Variants in KCTD18 observed in about 807,000 individuals in gnomAD.
KCTD18 encodes the protein BTB/POZ domain-containing protein KCTD18.
Under a neutral mutation model 30.4 loss-of-function variants are expected in KCTD18, and 22 were observed. The observed-to-expected ratio is 0.72, with a 90% CI of 0.52 to 1.03. The LOEUF (loss-of-function observed/expected upper bound fraction) is 1.03, where lower values mean the gene tolerates loss of function less well. Among genes scored for constraint, KCTD18 ranks in the 50% least tolerant of loss-of-function variants. KCTD18 has a pLI of 0.00. For missense variants in KCTD18, 529 were observed against 547.6 expected (o/e 0.97, Z 0.34); for synonymous variants, 186 against 209.0 (o/e 0.89, Z 0.95).
chr2:200,509,367 T>C (rs564857879), intron 1 of KCTD18, among the ~76,000 whole-genome samples: 258 of 152,094 alleles, frequency 1.7e-3, no homozygotes, highest in Non-Finnish European at 3.1e-3. Flanking sequence ...ACCCAGCCCT[T>C]TCACTCTCTA....
rs780625712 is a variant in KCTD18, at chr2:200,499,077, G to C, written c.380C>G (p.Thr127Arg). The change falls in exon 4 of 7, where the codon ACA (threonine) becomes AGA (arginine). Residue 127 changes from threonine to arginine, a missense_variant. Physicochemically the swap from Thr to Arg is moderately conservative, Grantham distance 71 (BLOSUM62 -1). Coordinates refer to ENST00000359878, the MANE Select transcript of KCTD18 (RefSeq NM_152387.4). Reference sequence around the variant, plus strand: ...TAAGCCATATGAATCACAGAAGTCTGTTAAAGCCTAAAGCAAAAAGTATAT... The same window carrying C: ...TAAGCCATATGAATCACAGAAGTCTCTTAAAGCCTAAAGCAAAAAGTATAT... The part of the protein sequence containing the change: ...RSNIELKKAL[T>R]DFCDSYGLVC... 1.9e-6 allele frequency: 3 copies of C among 1,601,484 alleles called. No homozygotes were observed. The highest frequency in any genetic ancestry group is 1.1e-5 in the South Asian group (1 of 88,216).
chr2:200,500,594 AAGG>A (rs2088069161), intron 3 of KCTD18, among the ~76,000 whole-genome samples: 1 of 150,574 alleles, frequency 6.6e-6, no homozygotes, highest in Admixed American at 6.6e-5. Flanking sequence ...GGACCTCTTC[AAGG>A]AGAACTACAA....
intron 5 of KCTD18, among the ~76,000 whole-genome samples, chr2:200,494,689 A>G (rs2106277796): frequency 6.6e-6 from 1 of 152,334 alleles, no homozygotes; most frequent in South Asian, 2.1e-4. Flanking sequence ...TCTAAAAGTC[A>G]GATTTATTAA....
intron 3 of KCTD18, among the ~76,000 whole-genome samples, chr2:200,501,029 T>A (rs1305691090): frequency 3.3e-5 from 5 of 151,614 alleles, no homozygotes; most frequent in African/African-American, 1.2e-4. Context: ...AAACAAGCAA[T>A]GGAGAAAGGA....
rs1009532746 is a variant in KCTD18 at position 200,490,549 on chromosome 2, A to G, written c.832T>C (p.Phe278Leu). The change falls in exon 7 of 7, where the codon TTT becomes CTT. Residue 278 changes from phenylalanine to leucine, a missense_variant. Physicochemically the swap from Phe to Leu is conservative, Grantham distance 22. Transcript: ENST00000359878. Reference protein sequence around the residue: ...NYKTGPKPVRFLGPSTSTQIK... With the variant: ...NYKTGPKPVRLLGPSTSTQIK... The stretch of plus-strand genomic sequence containing the variant: ...TGGGTACTTGTGGAAGGGCCCAAAA[A>G]TCTAACTGGCTTAGGACCAGTCTTA... 3 of 1,602,294 alleles carry G rather than the reference A, an allele frequency of 1.9e-6. No homozygotes were observed. The highest frequency in any genetic ancestry group is 2.5e-6 in the Non-Finnish European group (3 of 1,179,974).
In KCTD18 at chr2:200,505,058, G is replaced by A. The variant is rs1019161221; in HGVS notation, c.161-99C>T. The stretch of plus-strand genomic sequence containing the variant: ...TCTGAGGACCTCTACAATTATAAAT[G>A]TTTCTTTCTCACATGAAAGTTAACA... On this transcript the variant is annotated intron_variant, in intron 2 of 6. Coordinates refer to ENST00000359878, the MANE Select transcript of KCTD18 (RefSeq NM_152387.4). The A allele has an allele frequency of 3.5e-6, 3 of 862,770 alleles. No homozygotes were observed. In the African/African-American group the frequency reaches 5.2e-5, roughly 15 times the overall value. 53.4% of individuals were successfully genotyped at this position (862,770 alleles called of 1,614,324 possible).
intron 3 of KCTD18, among the ~76,000 whole-genome samples, chr2:200,502,112 G>A (rs191597361): frequency 6.8e-6 from 1 of 146,532 alleles, no homozygotes. Flanking sequence ...ACAGGAAGGG[G>A]AACATCACAC....
intron 3 of KCTD18, among the ~76,000 whole-genome samples, chr2:200,499,550 A>G (rs1030789025): frequency 6.6e-6 from 1 of 152,138 alleles, no homozygotes; most frequent in Non-Finnish European, 1.5e-5. Context: ...AAATTCCTCG[A>G]CACATACACT....
intron 3 of KCTD18, among the ~76,000 whole-genome samples, chr2:200,500,576 G>A (rs1018419175): frequency 1.3e-5 from 2 of 150,292 alleles, no homozygotes; most frequent in Non-Finnish European, 3.0e-5. Context: ...ACTTACAAGG[G>A]ATGTGAAGGA....
chr2:200,491,584 C>G (rs1303424359), intron 6 of KCTD18, among the ~76,000 whole-genome samples: 2 of 152,100 alleles, frequency 1.3e-5, no homozygotes, highest in Non-Finnish European at 1.5e-5. Context: ...TCTTTGGAAC[C>G]CATTTTGGGG....
At chr2:200,500,778 CTACTT>C (rs1426039895) in intron 3 of KCTD18, among the ~76,000 whole-genome samples, 3 of 151,666 alleles carry the variant, frequency 2.0e-5, no homozygotes, top group Non-Finnish European at 2.9e-5. Context: ...TTGGAAAAAA[CTACTT>C]TAAAGTTCAT....
rs375621915 is a variant in KCTD18, at chr2:200,490,050, G to C, written c.*50C>G. On this transcript the variant is annotated 3_prime_UTR_variant, in exon 7 of 7. Transcript: ENST00000359878. ...AAGTGTCACTTCTTTGCGTCGAATG[G>C]GTTGAAAGCTTTGGGAGATGAACGG... 1 of 1,512,120 alleles carries C rather than the reference G, an allele frequency of 6.6e-7. No homozygotes were observed. Among genetic ancestry groups the C allele is most frequent in the Non-Finnish European group, 8.9e-7 (1 of 1,128,750 alleles). The allele number at this position is 1,512,120 out of a possible 1,614,324, so 93.7% of individuals were successfully genotyped here.
At chr2:200,504,713 T>C (rs1246354086) in intron 3 of KCTD18, 35 bp downstream of exon 3, 5 of 1,431,236 alleles carry the variant, frequency 3.5e-6, no homozygotes, top group Middle Eastern at 2.2e-4. Context: ...GCATCATAAA[T>C]ATATATATTC....
rs576736975 is a variant in KCTD18, at chr2:200,501,222, T to C, written c.373-2138A>G. Among the ~76,000 whole-genome samples the C allele has an allele frequency of 8.6e-5, 13 of 151,130 alleles. 1 individual carries two copies. In the East Asian group the frequency reaches 1.6e-3, roughly 18 times the overall value. On this transcript the variant is annotated intron_variant, in intron 3 of 6. Coordinates refer to ENST00000359878, the MANE Select transcript of KCTD18 (RefSeq NM_152387.4). Reference sequence around the variant, plus strand: ...GGTATTACCATTCAGGACATAGGCATGGGCAAGGACTTCATGTCTAAAACA... The same window carrying C: ...GGTATTACCATTCAGGACATAGGCACGGGCAAGGACTTCATGTCTAAAACA...
chr2:200,498,358 G>A (rs2088029990), intron 4 of KCTD18, among the ~76,000 whole-genome samples: 2 of 152,182 alleles, frequency 1.3e-5, no homozygotes, highest in South Asian at 2.1e-4. Context: ...AAATTGCTAA[G>A]AGAATTAACC....
intron 2 of KCTD18, among the ~76,000 whole-genome samples, chr2:200,506,184 C>T (rs1407625045): frequency 6.6e-6 from 1 of 152,176 alleles, no homozygotes; most frequent in Non-Finnish European, 1.5e-5. Flanking sequence ...GGGTCTGGGG[C>T]TCATACACAG....
chr2:200,497,232 G>A lies in KCTD18; in HGVS notation c.661+521C>T, dbSNP rs78627107. ...CTATAAAATAGGAATGGTAAGTAGC[G>A]TACAGGATTGTGTTAGGACTAAGAG... On this transcript the variant is annotated intron_variant, in intron 5 of 6. Transcript: ENST00000359878. 129 of 154,020 alleles carry A rather than the reference G, an allele frequency of 8.4e-4. No homozygotes were observed. In the East Asian group the frequency reaches 0.02, roughly 24 times the overall value. 9.5% of individuals were successfully genotyped at this position (154,020 alleles called of 1,614,324 possible). A position where few individuals can be genotyped will look rare whatever the true frequency, so the allele number is the denominator to read the frequency against.
In KCTD18 at chr2:200,509,360, C is replaced by T. The variant is rs535136277; in HGVS notation, c.-76+268G>A. Among the ~76,000 whole-genome samples the T allele has an allele frequency of 8.5e-5, 13 of 152,244 alleles. No homozygotes were observed. In the South Asian group the frequency reaches 2.3e-3, roughly 27 times the overall value. ...TGTTTCACCCCTATGGATCCTGACC[C>T]AGCCCTTTCACTCTCTAAGCATCTG... On this transcript the variant is annotated intron_variant, in intron 1 of 6. Coordinates refer to ENST00000359878, the MANE Select transcript of KCTD18 (RefSeq NM_152387.4).
In KCTD18 at chr2:200,503,247, T is replaced by G. The variant is rs943227581; in HGVS notation, c.372+1501A>C. Reference sequence around the variant, plus strand: ...CTGACACAAACGAGATGCCTAGTATTTACTGACTCAGTGAATGAAAATGGG... The same window carrying G: ...CTGACACAAACGAGATGCCTAGTATGTACTGACTCAGTGAATGAAAATGGG... On this transcript the variant is annotated intron_variant, in intron 3 of 6. Transcript: ENST00000359878. Among the ~76,000 whole-genome samples the G allele has an allele frequency of 3.3e-5, 5 of 152,148 alleles. No individual in the cohort carries two copies. The South Asian group carries it at 1.0e-3, about 32-fold the overall frequency.
Sources: allele counts gnomAD v4.1 joint callset (sites outside exome capture counted in the v4.1 genomes callset), GRCh38; gene constraint gnomAD v4.1.1; transcripts MANE v1.5; gene names NCBI Gene and HGNC (gene_info 2026-07-23, HGNC 2026-07-21).